The following CNTLN variants were observed in gnomAD, a reference collection of about 807,000 sequenced individuals.
The protein encoded by CNTLN is centlein.
A neutral mutation model predicts 180.0 loss-of-function variants in CNTLN; 212 were observed. The observed-to-expected ratio is 1.18, with a 90% confidence interval of 1.05 to 1.32. The LOEUF (loss-of-function observed/expected upper bound fraction) is 1.32. Ranked by LOEUF, CNTLN falls within the 40% of genes most tolerant of loss-of-function variation. CNTLN has a pLI of 0.00. For missense variants in CNTLN, 2,095 were observed against 1,610.9 expected, an observed-to-expected ratio of 1.30 and a Z score of -5.14; for synonymous variants, 722 against 563.1, an observed-to-expected ratio of 1.28 and a Z score of -3.99.
intron 18 of CNTLN, among the ~76,000 whole-genome samples, chr9:17,439,055 G>C (rs549512360): frequency 1.8e-4 from 28 of 152,124 alleles, no homozygotes; most frequent in Non-Finnish European, 3.2e-4. Context: ...AATGGGAACA[G>C]AAAGAGAGGA....
intron 23 of CNTLN, among the ~76,000 whole-genome samples, chr9:17,479,686 C>G (rs887599496): frequency 9.2e-5 from 14 of 151,974 alleles, no homozygotes; most frequent in African/African-American, 3.4e-4. Context: ...GCTAAGTATT[C>G]TTACCACAAT....
intron 15 of CNTLN, among the ~76,000 whole-genome samples, chr9:17,396,436 T>G (rs953739544): frequency 3.3e-5 from 5 of 152,164 alleles, no homozygotes; most frequent in Non-Finnish European, 2.9e-5. Flanking sequence ...TTGCCATAAT[T>G]GCTAACAAAT....
intron 13 of CNTLN, among the ~76,000 whole-genome samples, chr9:17,369,946 C>T (rs1824165273): frequency 6.7e-6 from 1 of 149,794 alleles, no homozygotes; most frequent in Admixed American, 6.7e-5. Context: ...GAGATCACGC[C>T]ACTGCACTCC....
intron 12 of CNTLN, among the ~76,000 whole-genome samples, chr9:17,355,109 C>A (rs1822727404): frequency 6.6e-6 from 1 of 152,174 alleles, no homozygotes; most frequent in Non-Finnish European, 1.5e-5. Context: ...AGAGCTGTAA[C>A]ACTCACCGCG....
chr9:17,153,923 C>G (rs1351677834), intron 2 of CNTLN, among the ~76,000 whole-genome samples: 1 of 152,108 alleles, frequency 6.6e-6, no homozygotes, highest in East Asian at 1.9e-4. Flanking sequence ...TCAATGATAT[C>G]TTTTCTTCCG....
chr9:17,378,204 G>A (rs1474783866), intron 13 of CNTLN, among the ~76,000 whole-genome samples: 2 of 151,650 alleles, frequency 1.3e-5, no homozygotes, highest in African/African-American at 2.4e-5. Flanking sequence ...TTTTTGAGAC[G>A]GAGTCTTCCT....
chr9:17,215,211 T>C (rs1409053360), intron 2 of CNTLN, among the ~76,000 whole-genome samples: 1 of 152,228 alleles, frequency 6.6e-6, no homozygotes, highest in African/African-American at 2.4e-5. Context: ...TTGATGATGG[T>C]GACGTACAGA....
chr9:17,438,507 A>G lies in CNTLN; in HGVS notation c.3115-19017A>G, dbSNP rs567604752. Among the ~76,000 whole-genome samples, 5 of 152,306 alleles carry G rather than the reference A, an allele frequency of 3.3e-5. No individual in the cohort carries two copies. The East Asian group carries it at 5.8e-4, about 18-fold the overall frequency. ...AATTGTATTTGTGACAATGTAATAC[A>G]CTAAATATTGTGGTGAGAAAATACC... On this transcript the variant is annotated intron_variant, in intron 18 of 25. Transcript: ENST00000380647.
chr9:17,222,880 A>G (rs546506683), intron 2 of CNTLN, among the ~76,000 whole-genome samples: 7 of 152,052 alleles, frequency 4.6e-5, no homozygotes, highest in Admixed American at 6.6e-5. Context: ...TTACTAATCT[A>G]TAAATGTTGA....
chr9:17,248,810 A>G (rs1336051800), intron 5 of CNTLN, among the ~76,000 whole-genome samples: 1 of 151,626 alleles, frequency 6.6e-6, no homozygotes, highest in Non-Finnish European at 1.5e-5. Context: ...TCAGTAACAA[A>G]AAGTCTTCAA....
At chr9:17,470,652 A>G (rs1832003779) in intron 23 of CNTLN, among the ~76,000 whole-genome samples, 1 of 151,936 alleles carries the variant, frequency 6.6e-6, no homozygotes, top group Non-Finnish European at 1.5e-5. Context: ...TAACTGAATA[A>G]AACACACAAG....
intron 2 of CNTLN, among the ~76,000 whole-genome samples, chr9:17,180,405 G>A (rs1439277465): frequency 6.7e-6 from 1 of 148,768 alleles, no homozygotes; most frequent in Non-Finnish European, 1.5e-5. Flanking sequence ...CAGTGTACTG[G>A]TATCAATATT....
chr9:17,445,862 G>T (rs1490527579), intron 18 of CNTLN, among the ~76,000 whole-genome samples: 7 of 152,140 alleles, frequency 4.6e-5, no homozygotes, highest in African/African-American at 1.7e-4. Flanking sequence ...TCTGTCTCCT[G>T]CCTGTCCCTG....
At chr9:17,226,941 AT>A (rs929859242) in intron 3 of CNTLN, among the ~76,000 whole-genome samples, 4 of 150,934 alleles carry the variant, frequency 2.7e-5, no homozygotes, top group African/African-American at 9.7e-5. Flanking sequence ...TTATATATAT[AT>A]TTTTTTATAC....
At chr9:17,278,761 A>G (rs1300168050) in intron 6 of CNTLN, among the ~76,000 whole-genome samples, 2 of 152,170 alleles carry the variant, frequency 1.3e-5, no homozygotes, top group African/African-American at 4.8e-5. Context: ...CAAAGAAGGT[A>G]AAAGAAAAAA....
Position 17,313,765 on chromosome 9 carries a change from T to A in CNTLN, c.1341+4513T>A, listed in dbSNP as rs1410588323. On this transcript the variant is annotated intron_variant, in intron 8 of 25. Transcript: ENST00000380647. ...TACCATTTCCCTTATGTTAGATTTT[T>A]CAGTGTTGGTCCACAGATTAGTAAA... Among the ~76,000 whole-genome samples the A allele has an allele frequency of 2.6e-5, 4 of 152,250 alleles. No homozygotes were observed. The East Asian group carries it at 7.7e-4, about 29-fold the overall frequency.
intron 23 of CNTLN, among the ~76,000 whole-genome samples, chr9:17,474,694 C>G (rs111670080): frequency 0.011 from 1,636 of 152,086 alleles, 25 homozygotes; most frequent in African/African-American, 0.036. Context: ...CATGGTGAAA[C>G]CCCGTCTCTA....
At chr9:17,520,028 A>T in the CNTLN span, among the ~76,000 whole-genome samples, 1 of 152,192 alleles carries the variant, frequency 6.6e-6, no homozygotes, top group Non-Finnish European at 1.5e-5. Flanking sequence ...GAAAGCTAGG[A>T]TTTTTATCAG....
intron 2 of CNTLN, among the ~76,000 whole-genome samples, chr9:17,145,063 G>A (rs1442302349): frequency 6.7e-6 from 1 of 149,380 alleles, no homozygotes; most frequent in African/African-American, 2.5e-5. Flanking sequence ...GGATGGTCTC[G>A]ATCTCCTGAC....
Sources: gnomAD v4.1 joint callset for allele counts (sites outside exome capture counted in the v4.1 genomes callset) on GRCh38, gnomAD v4.1.1 for gene constraint, MANE v1.5 for transcripts, NCBI Gene and HGNC (gene_info 2026-07-23, HGNC 2026-07-21) for gene names.